THEMIS: variants seen among roughly 807,000 people sequenced by gnomAD.
THEMIS encodes the protein protein THEMIS.
Under a neutral mutation model 52.6 loss-of-function variants are expected in THEMIS, and 37 were observed. The observed-to-expected ratio is 0.70, with a 90% CI of 0.54 to 0.93. The LOEUF is 0.93. THEMIS is among the 40% of genes least tolerant of loss of function. The pLI is 0.00. For synonymous variants in THEMIS, 292 were observed against 272.7 expected (o/e 1.07, Z -0.70); for missense variants, 808 against 763.1 (o/e 1.06, Z -0.69).
chr6:127,787,809 A>AGATAGATAGAT (rs1777004900), intron 4 of THEMIS, among the ~76,000 whole-genome samples: 1 of 144,082 alleles, frequency 6.9e-6, no homozygotes, highest in Non-Finnish European at 1.5e-5. Context: ...ATAGGTAGAT[A>AGATAGATAGAT]GATAGATAGA....
At chr6:127,832,997 T>C (rs1279954109) in intron 2 of THEMIS, among the ~76,000 whole-genome samples, 3 of 152,016 alleles carry the variant, frequency 2.0e-5, no homozygotes, top group Admixed American at 6.6e-5. Flanking sequence ...TTGGCCAAGC[T>C]GGTCTTGAAC....
At chr6:127,698,887 A>G in the THEMIS span, among the ~76,000 whole-genome samples, 9 of 152,012 alleles carry the variant, frequency 5.9e-5, no homozygotes, top group Non-Finnish European at 1.2e-4. Context: ...ACTAGTTGCT[A>G]TACTGTTGTT....
chr6:127,794,960 A>G (rs1417909567), intron 4 of THEMIS, among the ~76,000 whole-genome samples: 1 of 152,238 alleles, frequency 6.6e-6, no homozygotes, highest in Admixed American at 6.5e-5. Flanking sequence ...TATGTAAAAT[A>G]TAATAACCAA....
At chr6:127,717,805 C>A (rs1013448572) in intron 5 of THEMIS, among the ~76,000 whole-genome samples, 1 of 145,328 alleles carries the variant, frequency 6.9e-6, no homozygotes, top group Non-Finnish European at 1.5e-5. Context: ...CAAAGCAGCA[C>A]CCCTATCTTA....
intron 5 of THEMIS, among the ~76,000 whole-genome samples, chr6:127,717,196 A>G (rs1251090660): frequency 1.6e-5 from 2 of 127,416 alleles, no homozygotes. Context: ...ATCTAATATA[A>G]TCTTCAAAAA....
At chr6:127,916,337 T>C (rs1781526827) in intron 1 of THEMIS, among the ~76,000 whole-genome samples, 1 of 152,136 alleles carries the variant, frequency 6.6e-6, no homozygotes, top group South Asian at 2.1e-4. Flanking sequence ...AAAAAGTCAC[T>C]GCCCACCCAG....
chr6:127,917,508 A>G (rs2114545746), intron 1 of THEMIS, among the ~76,000 whole-genome samples: 1 of 152,348 alleles, frequency 6.6e-6, no homozygotes, highest in Non-Finnish European at 1.5e-5. Flanking sequence ...CTCCAAAATC[A>G]GCAGTGAGAA....
chr6:127,881,549 A>T (rs1423013086), intron 1 of THEMIS, among the ~76,000 whole-genome samples: 1 of 151,960 alleles, frequency 6.6e-6, no homozygotes, highest in Non-Finnish European at 1.5e-5. Flanking sequence ...TTTAAGTATG[A>T]ACACTCTATT....
chr6:127,851,901 C>T (rs1009602507), intron 2 of THEMIS, among the ~76,000 whole-genome samples: 1 of 151,592 alleles, frequency 6.6e-6, no homozygotes, highest in Admixed American at 6.6e-5. Context: ...CTTACATTAG[C>T]CTGCAGTTAG....
intron 5 of THEMIS, among the ~76,000 whole-genome samples, chr6:127,718,388 C>T (rs190665822): frequency 1.3e-5 from 2 of 151,986 alleles, no homozygotes; most frequent in East Asian, 3.9e-4. Flanking sequence ...TCATCACTTA[C>T]AAGTAATACG....
At chr6:127,898,379 T>A (rs974998205) in intron 1 of THEMIS, among the ~76,000 whole-genome samples, 2 of 151,758 alleles carry the variant, frequency 1.3e-5, no homozygotes, top group African/African-American at 4.8e-5. Context: ...ATAAATCCAA[T>A]AAAAATCCCA....
chr6:127,712,640 T>C (rs903660162), intron 5 of THEMIS, among the ~76,000 whole-genome samples: 1 of 151,930 alleles, frequency 6.6e-6, no homozygotes, highest in Non-Finnish European at 1.5e-5. Flanking sequence ...TTTGGAATCA[T>C]GTAGACAAGT....
rs1425573468 is a variant in THEMIS at position 127,829,522 on chromosome 6, A to T, written c.663T>A (p.Gly221=). The stretch of plus-strand genomic sequence containing the variant: ...CATAAACAGGCTTGAGAATCAGGGT[A>T]CCATAAAAGTCTTTAGGAAATGGAT... The part of the protein sequence containing the change: ...STNPFPKDFY[G]TLILKPVYEI... Residue 221 remains glycine (G), a synonymous_variant, in exon 3 of 6, where the codon GGT becomes GGA. Transcript: ENST00000368248. 6.2e-7 allele frequency: 1 copy of T among 1,611,880 alleles called. No individual in the cohort carries two copies. The highest frequency in any genetic ancestry group is 8.5e-7 in the Non-Finnish European group (1 of 1,179,256).
At chr6:127,796,752 G>A (rs990217321) in intron 4 of THEMIS, among the ~76,000 whole-genome samples, 1 of 152,152 alleles carries the variant, frequency 6.6e-6, no homozygotes, top group African/African-American at 2.4e-5. Flanking sequence ...GGTATATACA[G>A]TATATACCCA....
At chr6:127,796,001 T>C (rs1264581793) in intron 4 of THEMIS, among the ~76,000 whole-genome samples, 3 of 152,218 alleles carry the variant, frequency 2.0e-5, no homozygotes, top group Non-Finnish European at 4.4e-5. Flanking sequence ...AATAGTTTGA[T>C]CCTCACTCCA....
chr6:127,738,100 G>T (rs1775068327), intron 4 of THEMIS, among the ~76,000 whole-genome samples: 5 of 151,964 alleles, frequency 3.3e-5, no homozygotes. Context: ...TCCTACCCTG[G>T]CCTAAGGTCT....
intron 4 of THEMIS, among the ~76,000 whole-genome samples, chr6:127,751,830 A>C (rs914498216): frequency 6.6e-6 from 1 of 151,662 alleles, no homozygotes; most frequent in African/African-American, 2.4e-5. Flanking sequence ...GAACTGAAAC[A>C]ACTATAGACC....
rs758324537 is a variant in THEMIS at position 127,829,714 on chromosome 6, A to G, written c.471T>C (p.Asn157=). 5 of 1,614,126 alleles carry G rather than the reference A, an allele frequency of 3.1e-6. No individual in the cohort carries two copies. The South Asian group carries it at 5.5e-5, about 18-fold the overall frequency. ...GCAAATTAAATGAGTGAGTTTGATG[A>G]TTCCTTGCTACTGCACAGCTCACCA... The part of the protein sequence containing the change: ...EIMVSCAVAR[N]HQTHSFNLPL... Residue 157 remains asparagine, a synonymous_variant, in exon 3 of 6, where the codon AAT becomes AAC. Coordinates refer to ENST00000368248, the MANE Select transcript of THEMIS (RefSeq NM_001010923.3).
At chr6:127,701,308 G>A in the THEMIS span, among the ~76,000 whole-genome samples, 1 of 151,962 alleles carries the variant, frequency 6.6e-6, no homozygotes, top group Admixed American at 6.5e-5. Flanking sequence ...ATACTATTCT[G>A]TATCTAATTT....
Sources: gnomAD v4.1 joint callset for allele counts (sites outside exome capture counted in the v4.1 genomes callset) on GRCh38, gnomAD v4.1.1 for gene constraint, MANE v1.5 for transcripts, NCBI Gene and HGNC (gene_info 2026-07-23, HGNC 2026-07-21) for gene names.